The following SPATA6L variants were observed in gnomAD, a reference collection of about 807,000 sequenced individuals.
SPATA6L encodes spermatogenesis associated 6 like, also known as spermatogenesis associated 6-like protein.
SPATA6L carries 68 observed loss-of-function variants against 49.2 expected under a neutral mutation model. That is an observed-to-expected ratio of 1.38 (90% CI 1.14 to 1.69). The LOEUF (loss-of-function observed/expected upper bound fraction) is 1.69. Ranked by LOEUF, SPATA6L falls within the 40% of genes most tolerant of loss-of-function variation. The pLI is 0.00. For synonymous variants in SPATA6L, 198 were observed against 165.7 expected (o/e 1.19, Z -1.50); for missense variants, 668 against 464.3 (o/e 1.44, Z -4.03).
chr9:4,644,363 A>T (rs1009437479), intron 3 of SPATA6L, among the ~76,000 whole-genome samples: 2 of 151,660 alleles, frequency 1.3e-5, no homozygotes, highest in African/African-American at 4.8e-5. Context: ...TATAAAAAAT[A>T]AAATTAAATT....
chr9:4,626,275 A>C (rs1587179628), intron 5 of SPATA6L: 1 of 785,222 alleles, frequency 1.3e-6, no homozygotes, highest in Non-Finnish European at 1.7e-6. Context: ...GCCCCATTGC[A>C]CTCCTCCAGA....
chr9:4,646,596 T>A (rs1394438489), intron 3 of SPATA6L: 4 of 948,692 alleles, frequency 4.2e-6, no homozygotes, highest in Non-Finnish European at 6.1e-6. Flanking sequence ...ATTATTAAGT[T>A]TTAAACTGTC....
downstream of SPATA6L, among the ~76,000 whole-genome samples, chr9:4,596,926 G>A (rs1169869275): frequency 6.6e-6 from 1 of 152,168 alleles, no homozygotes; most frequent in Admixed American, 6.5e-5. Flanking sequence ...GGGGAGCAAT[G>A]CTTTCCTCAA....
chr9:4,635,016 AC>A (rs1564236755), intron 4 of SPATA6L, among the ~76,000 whole-genome samples: 1 of 152,244 alleles, frequency 6.6e-6, no homozygotes, highest in Non-Finnish European at 1.5e-5. Context: ...TTAATCTGCA[AC>A]AAAAGGAGGC....
rs62543874 is a variant in SPATA6L at position 4,590,932 on chromosome 9, T to C, written c.*255-1971A>G. 5.3e-3 allele frequency among the ~76,000 whole-genome samples: 814 copies of C among 152,270 alleles called. 8 individuals are homozygous for C. Among genetic ancestry groups the C allele is most frequent in the Non-Finnish European group, 6.6e-3 (448 of 68,006 alleles). ...AAGCCATTACCAAGTGTTAGCACAA[T>C]GTCGCATCATCTTCTTTCGCTTCGG... On this transcript the variant is annotated intron_variant and NMD_transcript_variant, in intron 13 of 13. Transcript: ENST00000461761.
rs201619335 is a variant in SPATA6L, at chr9:4,635,961, T to C, written c.227-562A>G. Among the ~76,000 whole-genome samples, 19 of 152,338 alleles carry C rather than the reference T, an allele frequency of 1.2e-4. 1 individual carries two copies. In the East Asian group the frequency reaches 2.5e-3, roughly 20 times the overall value. On this transcript the variant is annotated intron_variant, in intron 3 of 11. Transcript: ENST00000682582. ...GCAGTGCTCAAGACACTCATGCACA[T>C]CACACTATCTCCCCCATCCCCAGTG...
chr9:4,596,797 C>G (rs1228726387), downstream of SPATA6L, among the ~76,000 whole-genome samples: 1 of 152,016 alleles, frequency 6.6e-6, no homozygotes, highest in Non-Finnish European at 1.5e-5. Flanking sequence ...CAGGTGGCAG[C>G]AAAGGGGTGA....
intron 4 of SPATA6L, 51 bp downstream of exon 4, chr9:4,635,224 T>C: frequency 6.8e-7 from 1 of 1,460,956 alleles, no homozygotes; most frequent in Non-Finnish European, 9.0e-7. Flanking sequence ...AACGTTCAGG[T>C]CCCAAGAGTT....
chr9:4,629,769 G>GTGTGTGTGTGTGTGTGTGTGTGTA (rs1311805859), intron 4 of SPATA6L, among the ~76,000 whole-genome samples: 73 of 101,908 alleles, frequency 7.2e-4, no homozygotes, highest in African/African-American at 3.4e-3. Flanking sequence ...GTGTGTGTGT[G>GTGTGTGTGTGTGTGTGTGTGTGTA]TATATATATA....
At chr9:4,623,596 A>T (rs1398597348) in intron 6 of SPATA6L, among the ~76,000 whole-genome samples, 4 of 152,184 alleles carry the variant, frequency 2.6e-5, no homozygotes, top group Admixed American at 1.3e-4. Flanking sequence ...TTAAGGAAAC[A>T]TCACATATCA....
At chr9:4,604,803 G>C (rs550751270) in intron 10 of SPATA6L, among the ~76,000 whole-genome samples, 2 of 152,148 alleles carry the variant, frequency 1.3e-5, no homozygotes, top group African/African-American at 2.4e-5. Context: ...TTGAGCAGGT[G>C]AACTGCCACT....
intron 2 of SPATA6L, among the ~76,000 whole-genome samples, chr9:4,657,840 T>C (rs431901): frequency 0.54 from 81,531 of 151,858 alleles, 22,160 homozygotes; most frequent in East Asian, 0.7. Context: ...TAGAGGTTCA[T>C]TGGTGGCATC....
chr9:4,635,104 T>C (rs764116022), intron 4 of SPATA6L, among the ~76,000 whole-genome samples, 171 bp downstream of exon 4: 41 of 152,198 alleles, frequency 2.7e-4, no homozygotes, highest in Non-Finnish European at 4.3e-4. Flanking sequence ...CTCAGATCAA[T>C]ACTGGAAATC....
chr9:4,621,127 C>G (rs141901069), intron 7 of SPATA6L, among the ~76,000 whole-genome samples: 66 of 152,322 alleles, frequency 4.3e-4, no homozygotes, highest in African/African-American at 1.5e-3. Flanking sequence ...AAGTCCAGTA[C>G]TACCAGCAGG....
chr9:4,624,586 G>T (rs1829994171), intron 6 of SPATA6L, among the ~76,000 whole-genome samples: 1 of 152,006 alleles, frequency 6.6e-6, no homozygotes, highest in Non-Finnish European at 1.5e-5. Flanking sequence ...AAATTAGACG[G>T]GTGTGGTGGT....
chr9:4,601,129 G>A (rs1823138697), intron 11 of SPATA6L, among the ~76,000 whole-genome samples: 1 of 152,162 alleles, frequency 6.6e-6, no homozygotes, highest in Admixed American at 6.5e-5. Context: ...ATTCAGTTGA[G>A]CTGTTAAACG....
intron 9 of SPATA6L, among the ~76,000 whole-genome samples, chr9:4,606,379 T>C (rs559266936): frequency 7.9e-6 from 1 of 126,526 alleles, no homozygotes; most frequent in African/African-American, 3.3e-5. Context: ...CAGTAACCTC[T>C]GCAGACTTAA....
chr9:4,662,452 G>C lies in SPATA6L; in HGVS notation c.40-416C>G, dbSNP rs1385289111. 1.9e-6 allele frequency: 3 copies of C among 1,546,416 alleles called. No individual in the cohort carries two copies. Among genetic ancestry groups the C allele is most frequent in the Non-Finnish European group, 2.6e-6 (3 of 1,155,078 alleles). Reference sequence around the variant, plus strand: ...TCGAGCAGCAGCAGCAGCCCCGGCAGCCCAGCCCATGGCGGCGGTGGCGGC... The same window carrying C: ...TCGAGCAGCAGCAGCAGCCCCGGCACCCCAGCCCATGGCGGCGGTGGCGGC... On this transcript the variant is annotated intron_variant, in intron 1 of 11. Coordinates refer to ENST00000682582, the MANE Select transcript of SPATA6L (RefSeq NM_001353486.2). The surrounding 1 kb of genome is among the most constrained non-coding windows in gnomAD (Gnocchi z 4.9).
chr9:4,647,489 G>C (rs547399935), intron 3 of SPATA6L, among the ~76,000 whole-genome samples: 1 of 152,288 alleles, frequency 6.6e-6, no homozygotes, highest in South Asian at 2.1e-4. Context: ...CTACTCGGGA[G>C]GCTGAGGCAG....
Sources: gnomAD v4.1 joint callset for allele counts (sites outside exome capture counted in the v4.1 genomes callset) on GRCh38, gnomAD v4.1.1 for gene constraint, Gnocchi (gnomAD v3.1) non-coding constraint, MANE v1.5 for transcripts, NCBI Gene and HGNC (gene_info 2026-07-23, HGNC 2026-07-21) for gene names.